The following PICALM variants were observed in gnomAD, a reference collection of about 807,000 sequenced individuals.
PICALM encodes phosphatidylinositol-binding clathrin assembly protein.
Under a neutral mutation model 80.5 loss-of-function variants are expected in PICALM, and 40 were observed. That is an observed-to-expected ratio of 0.50 (90% confidence interval 0.39 to 0.65). The LOEUF (loss-of-function observed/expected upper bound fraction) is 0.65, where lower values mean the gene tolerates loss of function less well. Ranked by LOEUF, PICALM falls within the 30% of genes least tolerant of loss-of-function variation. The pLI is 0.00. For missense variants in PICALM, 676 were observed against 778.9 expected (o/e 0.87, Z 1.57); for synonymous variants, 288 against 260.3 (o/e 1.11, Z -1.02).
intron 11 of PICALM, among the ~76,000 whole-genome samples, chr11:85,999,966 A>G (rs1401434446): frequency 6.6e-6 from 1 of 152,242 alleles, no homozygotes; most frequent in Non-Finnish European, 1.5e-5. Context: ...TAAAGTTGAG[A>G]ACCACAGTCT....
rs180792394 is a variant in PICALM at position 85,984,798 on chromosome 11, A to G, written c.1409-825T>C. Among the ~76,000 whole-genome samples, 13 of 152,308 alleles carry G rather than the reference A, an allele frequency of 8.5e-5. No homozygotes were observed. In the East Asian group the frequency reaches 1.5e-3, roughly 18 times the overall value. Reference sequence around the variant, plus strand: ...ATCAGCCTATACAGAGTTAACAAATATAAGATTTCCAATTATGTGAGGTTA... The same window carrying G: ...ATCAGCCTATACAGAGTTAACAAATGTAAGATTTCCAATTATGTGAGGTTA... On this transcript the variant is annotated intron_variant, in intron 13 of 19. Coordinates refer to ENST00000393346, the MANE Select transcript of PICALM (RefSeq NM_007166.4).
At chr11:86,025,492 T>C (rs1354649995) in intron 3 of PICALM, among the ~76,000 whole-genome samples, 2 of 152,216 alleles carry the variant, frequency 1.3e-5, no homozygotes, top group East Asian at 3.8e-4. Context: ...ATGTAATATT[T>C]CAACTACATT....
intron 19 of PICALM, among the ~76,000 whole-genome samples, chr11:85,971,197 A>T (rs2094101285): frequency 1.3e-5 from 2 of 152,198 alleles, no homozygotes; most frequent in Admixed American, 6.5e-5. Flanking sequence ...TTTCCTAGTT[A>T]TCAATTTGCT....
rs1417597561 is a variant in PICALM, at chr11:86,064,857, T to C, written c.130+3794A>G. Among the ~76,000 whole-genome samples the C allele has an allele frequency of 2.6e-5, 4 of 152,102 alleles. No homozygotes were observed. In the East Asian group the frequency reaches 7.8e-4, roughly 30 times the overall value. On this transcript the variant is annotated intron_variant, in intron 1 of 19. Coordinates refer to ENST00000393346, the MANE Select transcript of PICALM (RefSeq NM_007166.4). ...GGGAGGCTGAGGCAAGAGGATTACT[T>C]GAGCCCAGGAGTTCAAGACCAGCCT...
chr11:86,002,172 CAAAT>C (rs1231842103), intron 9 of PICALM, among the ~76,000 whole-genome samples: 4 of 152,138 alleles, frequency 2.6e-5, no homozygotes, highest in African/African-American at 4.8e-5. Flanking sequence ...GTTATTCTCT[CAAAT>C]AAATGAGACT....
At chr11:86,061,509 T>A (rs1379079238) in intron 1 of PICALM, among the ~76,000 whole-genome samples, 1 of 151,908 alleles carries the variant, frequency 6.6e-6, no homozygotes, top group Non-Finnish European at 1.5e-5. Context: ...CGAGTATGCA[T>A]ATGAAAAAAA....
chr11:86,045,376 C>T (rs1310708505), intron 1 of PICALM, among the ~76,000 whole-genome samples: 2 of 151,994 alleles, frequency 1.3e-5, no homozygotes, highest in Non-Finnish European at 1.5e-5. Context: ...GTGGTATGCA[C>T]CTGTAGTCCC....
At chr11:86,034,822 C>T (rs2095813584) in intron 1 of PICALM, among the ~76,000 whole-genome samples, 1 of 152,154 alleles carries the variant, frequency 6.6e-6, no homozygotes, top group South Asian at 2.1e-4. Context: ...GCAGAAGGAA[C>T]CAATACCCAC....
At chr11:86,003,873 G>A (rs907317733) in intron 8 of PICALM, 2 of 152,910 alleles carry the variant, frequency 1.3e-5, no homozygotes, top group African/African-American at 4.8e-5. Context: ...TGTCATCAGG[G>A]AAATGAAAAT....
chr11:85,981,726 G>C lies in PICALM; in HGVS notation c.1679+19C>G. 1 of 1,582,626 alleles carries C rather than the reference G, an allele frequency of 6.3e-7. No individual in the cohort carries two copies. The highest frequency in any genetic ancestry group is 1.3e-5 in the African/African-American group (1 of 74,358). On this transcript the variant is annotated intron_variant, in intron 16 of 19. Coordinates refer to ENST00000393346, the MANE Select transcript of PICALM (RefSeq NM_007166.4). ...CTAAATAACACACGGAGAAAACAATGTGTATATTAAACACTCACTTCTTAG... is the reference window on the plus strand; with the variant it reads ...CTAAATAACACACGGAGAAAACAATCTGTATATTAAACACTCACTTCTTAG...
At chr11:85,967,165 T>C (rs2093929668) in intron 19 of PICALM, among the ~76,000 whole-genome samples, 1 of 152,188 alleles carries the variant, frequency 6.6e-6, no homozygotes, top group African/African-American at 2.4e-5. Flanking sequence ...CTATATTGAA[T>C]TTACAAGAAA....
chr11:85,993,549 G>A (rs111778647), intron 12 of PICALM, among the ~76,000 whole-genome samples: 4,487 of 151,656 alleles, frequency 0.03, 105 homozygotes, highest in Non-Finnish European at 0.047. Flanking sequence ...AGCGACTCTC[G>A]TGCCTCAGCT....
intron 3 of PICALM, 95 bp downstream of exon 3, chr11:86,026,196 AG>A (rs1455927092): frequency 2.9e-6 from 2 of 691,658 alleles, no homozygotes; most frequent in Non-Finnish European, 2.6e-6. Context: ...TAAGGTTTAA[AG>A]TAGCACATGT....
chr11:86,000,616 A>G, intron 11 of PICALM, 27 bp downstream of exon 11: 1 of 1,588,658 alleles, frequency 6.3e-7, no homozygotes, highest in Non-Finnish European at 8.6e-7. Flanking sequence ...CTACATATTC[A>G]AAGGTAACCT....
intron 4 of PICALM, among the ~76,000 whole-genome samples, chr11:86,016,841 C>T (rs1474252971): frequency 6.6e-6 from 1 of 152,210 alleles, no homozygotes; most frequent in Admixed American, 6.5e-5. Context: ...CAGCTCTTAA[C>T]TCCCAAAATA....
Position 85,958,963 on chromosome 11 carries a change from A to G in PICALM, c.*83T>C. On this transcript the variant is annotated 3_prime_UTR_variant, in exon 20 of 20. Transcript: ENST00000393346. ...AGAGAGTTTAAGAGATTTAAGAGACAGCAGTTTGGATTTTGCTGGAAGTAA... is the reference window on the plus strand; with the variant it reads ...AGAGAGTTTAAGAGATTTAAGAGACGGCAGTTTGGATTTTGCTGGAAGTAA... The G allele has an allele frequency of 1.1e-6, 1 of 950,514 alleles. No homozygotes were observed. Among genetic ancestry groups the G allele is most frequent in the Non-Finnish European group, 1.7e-6 (1 of 601,478 alleles). The allele number at this position is 950,514 out of a possible 1,614,324, so 58.9% of individuals were successfully genotyped here. A position where few individuals can be genotyped will look rare whatever the true frequency, so the allele number is the denominator to read the frequency against.
chr11:86,052,917 G>A (rs532512838), intron 1 of PICALM, among the ~76,000 whole-genome samples: 1 of 152,182 alleles, frequency 6.6e-6, no homozygotes, highest in African/African-American at 2.4e-5. Flanking sequence ...TCAGCTTCCT[G>A]TCTACAAATG....
chr11:85,959,018 T>C lies in PICALM; in HGVS notation c.*28A>G. On this transcript the variant is annotated 3_prime_UTR_variant, in exon 20 of 20. Transcript: ENST00000393346. ...TTTGCTGCTTGAGCACTTGTCTTTT[T>C]GGAGTAATTCCATTTTCTTCCATCA... 6.3e-7 allele frequency: 1 copy of C among 1,577,816 alleles called. No homozygotes were observed.
chr11:86,035,972 A>G (rs921304991), intron 1 of PICALM, among the ~76,000 whole-genome samples: 9 of 151,690 alleles, frequency 5.9e-5, no homozygotes, highest in Non-Finnish European at 1.0e-4. Context: ...AAAAGAAAAA[A>G]AAAGAAAATT....
Sources: gnomAD v4.1 joint callset for allele counts (sites outside exome capture counted in the v4.1 genomes callset) on GRCh38, gnomAD v4.1.1 for gene constraint, MANE v1.5 for transcripts, NCBI Gene and HGNC (gene_info 2026-07-23, HGNC 2026-07-21) for gene names.